The following RBFA variants were observed in gnomAD, a reference collection of about 807,000 sequenced individuals.
The protein encoded by RBFA is ribosome binding factor A.
Under a neutral mutation model 27.9 loss-of-function variants are expected in RBFA, and 16 were observed. That is an observed-to-expected ratio of 0.57 (90% CI 0.39 to 0.87). The LOEUF is 0.87. RBFA is among the 40% of genes least tolerant of loss of function. The probability of loss-of-function intolerance (pLI) is 0.00; values close to 1 mark genes in which losing one functional copy is unlikely to be tolerated. For missense variants in RBFA, 456 were observed against 432.1 expected (o/e 1.06, Z -0.49); for synonymous variants, 181 against 181.0 (o/e 1.00, Z 0.00).
At position 80,048,470 on chromosome 18, in the gene RBFA, T is replaced by C. The variant is rs2052071533; in HGVS notation, c.*2315T>C. ...TTTTATTGTTCTAGCAATTTATTGT[T>C]ACAAAACAGATTGCTGCCATCAATT... On this transcript the variant is annotated 3_prime_UTR_variant, in exon 7 of 7. Transcript: ENST00000306735. Among the ~76,000 whole-genome samples the C allele has an allele frequency of 6.6e-6, 1 of 152,206 alleles. No homozygotes were observed. The highest frequency in any genetic ancestry group is 2.1e-4 in the South Asian group (1 of 4,830).
intron 3 of RBFA, 130 bp downstream of exon 3, chr18:80,037,636 T>C (rs2051989515): frequency 4.4e-6 from 3 of 688,900 alleles, no homozygotes; most frequent in Non-Finnish European, 6.8e-6. Context: ...ACGCCTGTAA[T>C]CCTAGCACTT....
In RBFA at chr18:80,037,452, G is replaced by A; in HGVS notation, c.324G>A (p.Leu108=). 1 of 1,614,158 alleles carries A rather than the reference G, an allele frequency of 6.2e-7. No homozygotes were observed. Among genetic ancestry groups the A allele is most frequent in the Non-Finnish European group, 8.5e-7 (1 of 1,180,002 alleles). Residue 108 remains leucine, a synonymous_variant, in exon 3 of 7, where the codon CTG becomes CTA. Coordinates refer to ENST00000306735, the MANE Select transcript of RBFA (RefSeq NM_024805.3). ...GLLYKALTDL[L]CTPEVSQELY... is the part of the protein sequence containing the mutation. The stretch of plus-strand genomic sequence containing the variant: ...TCTATAAGGCACTGACAGACCTGCT[G>A]TGTACCCCTGAAGTGAGTCAGGAGC...
Position 80,046,056 on chromosome 18 carries a change from G to A in RBFA, c.933G>A (p.Pro311=), listed in dbSNP as rs556421135. 48 of 1,614,118 alleles carry A rather than the reference G, an allele frequency of 3.0e-5. No individual in the cohort carries two copies. The East Asian group carries it at 3.3e-4, about 11-fold the overall frequency. Residue 311 remains proline (P), a synonymous_variant, in exon 7 of 7, where the codon CCG becomes CCA. Coordinates refer to ENST00000306735, the MANE Select transcript of RBFA (RefSeq NM_024805.3). The part of the protein sequence containing the change: ...VEDDLDLVGA[P]EYECYAPDTE... Reference sequence around the variant, plus strand: ...ATGACCTGGACCTGGTTGGTGCCCCGGAGTACGAATGCTATGCCCCGGACA... The same window carrying A: ...ATGACCTGGACCTGGTTGGTGCCCCAGAGTACGAATGCTATGCCCCGGACA...
intron 1 of RBFA, chr18:80,035,791 C>G (rs1246577371): frequency 6.6e-6 from 1 of 152,246 alleles, no homozygotes; most frequent in Non-Finnish European, 1.5e-5. Context: ...ACCAAGAACT[C>G]ATGGGTTATA....
intron 6 of RBFA, among the ~76,000 whole-genome samples, chr18:80,044,562 A>T (rs58736561): frequency 6.6e-6 from 1 of 152,036 alleles, no homozygotes; most frequent in African/African-American, 2.4e-5. Flanking sequence ...CACATTGTTT[A>T]TTGAGTGCCC....
At chr18:80,044,067 G>A in intron 5 of RBFA, 145 bp from the exon 6 acceptor site, 1 of 736,202 alleles carries the variant, frequency 1.4e-6, no homozygotes, top group Non-Finnish European at 2.5e-6. Flanking sequence ...ACAGGTCCTA[G>A]TATTTGGGAA....
chr18:80,042,102 C>G (rs954513851), intron 4 of RBFA, 33 bp from the exon 5 acceptor site: 2 of 1,520,504 alleles, frequency 1.3e-6, no homozygotes, highest in Non-Finnish European at 1.8e-6. Context: ...TGTCACGGCA[C>G]AGCTGTGAGG....
intron 4 of RBFA, among the ~76,000 whole-genome samples, chr18:80,040,239 A>ATTTTTTTTTTTTTATTTTTTTTT (rs2052007524): frequency 1.1e-5 from 1 of 91,440 alleles, no homozygotes; most frequent in Non-Finnish European, 2.0e-5. Context: ...GGAGGCCTGA[A>ATTTTTTTTTTTTTATTTTTTTTT]TTTTTTTTTT....
Position 80,034,523 on chromosome 18 carries a change from C to G in RBFA, c.28C>G (p.Arg10Gly), listed in dbSNP as rs752729658. 1 of 1,585,790 alleles carries G rather than the reference C, an allele frequency of 6.3e-7. No individual in the cohort carries two copies. The highest frequency in any genetic ancestry group is 8.5e-7 in the Non-Finnish European group (1 of 1,171,470). ...GTGGGCTGCGGCGGGCGGGCTGTGG[C>G]GCTCCCGCGCGGGTCTCCGGGCCCT... Reference protein sequence around the residue: MWAAAGGLWRSRAGLRALFR... With the variant: MWAAAGGLWGSRAGLRALFR... Residue 10 changes from arginine (R) to glycine (G), a missense_variant, in exon 1 of 7, where the codon CGC (arginine) becomes GGC (glycine). Arg to Gly is a moderately radical substitution (Grantham distance 125, BLOSUM62 -2). Coordinates refer to ENST00000306735, the MANE Select transcript of RBFA (RefSeq NM_024805.3).
At chr18:80,044,777 T>C (rs1234763964) in intron 6 of RBFA, among the ~76,000 whole-genome samples, 1 of 152,214 alleles carries the variant, frequency 6.6e-6, no homozygotes, top group Non-Finnish European at 1.5e-5. Context: ...TTTCCAAACA[T>C]GTAGTGCCTG....
At chr18:80,045,749 T>G (rs769051248) in intron 6 of RBFA, 25 bp from the exon 7 acceptor site, 4 of 1,508,334 alleles carry the variant, frequency 2.7e-6, no homozygotes, top group Non-Finnish European at 2.7e-6. Context: ...TTGTGCTTGG[T>G]GTGAAGCCTC....
intron 3 of RBFA, among the ~76,000 whole-genome samples, chr18:80,037,888 C>CAAAA (rs56784827): frequency 6.9e-6 from 1 of 145,598 alleles, no homozygotes; most frequent in Admixed American, 6.7e-5. Flanking sequence ...GACTCCATCT[C>CAAAA]AAAAAAAAAA....
chr18:80,043,995 T>A (rs998290026), intron 5 of RBFA, among the ~76,000 whole-genome samples: 5 of 152,274 alleles, frequency 3.3e-5, no homozygotes, highest in African/African-American at 9.6e-5. Flanking sequence ...CCTCACTTCG[T>A]TATCAGAGAA....
At position 80,042,605 on chromosome 18, in the gene RBFA, C is replaced by T. The variant is rs545756731; in HGVS notation, c.576+386C>T. ...CCAATACGGTGAAACCCTGTCTCTA[C>T]TAAAAATACAAAAAAATTAGCTAGG... is the stretch of plus-strand genomic sequence containing the variant. On this transcript the variant is annotated intron_variant, in intron 5 of 6. Coordinates refer to ENST00000306735, the MANE Select transcript of RBFA (RefSeq NM_024805.3). Among the ~76,000 whole-genome samples the T allele has an allele frequency of 2.2e-4, 33 of 152,070 alleles. 1 individual carries two copies. The highest frequency in any genetic ancestry group is 8.0e-4 in the African/African-American group (33 of 41,498).
chr18:80,044,720 G>T (rs554350279), intron 6 of RBFA, among the ~76,000 whole-genome samples: 4 of 152,330 alleles, frequency 2.6e-5, no homozygotes, highest in African/African-American at 9.6e-5. Flanking sequence ...AGAGCAGGTC[G>T]GGGGCGTGGA....
chr18:80,040,767 G>C (rs1225634748), intron 4 of RBFA, among the ~76,000 whole-genome samples: 1 of 152,104 alleles, frequency 6.6e-6, no homozygotes, highest in African/African-American at 2.4e-5. Flanking sequence ...GTAGCTTTTA[G>C]AGTTCTCAGT....
chr18:80,047,748 T>C lies in RBFA; in HGVS notation c.*1593T>C, dbSNP rs919680800. The stretch of plus-strand genomic sequence containing the variant: ...TAGGTTACAAAGTGTACACCACACA[T>C]AAAGGCTGATGCCTCTGTTACACCG... On this transcript the variant is annotated 3_prime_UTR_variant, in exon 7 of 7. Transcript: ENST00000306735. Among the ~76,000 whole-genome samples the C allele has an allele frequency of 5.3e-5, 8 of 152,164 alleles. No individual in the cohort carries two copies. The highest frequency in any genetic ancestry group is 7.4e-5 in the Non-Finnish European group (5 of 68,016).
At chr18:80,034,748 T>G (rs1348649434) in intron 1 of RBFA, 95 bp downstream of exon 1, 3 of 1,526,102 alleles carry the variant, frequency 2.0e-6, no homozygotes, top group Non-Finnish European at 2.7e-6. Context: ...CTTGCGCCCA[T>G]GCGGCCTAGC....
intron 2 of RBFA, among the ~76,000 whole-genome samples, chr18:80,037,021 G>A (rs968749133): frequency 1.4e-4 from 21 of 152,184 alleles, no homozygotes; most frequent in Admixed American, 9.8e-4. Flanking sequence ...AATACATCAC[G>A]TTTCCAAAAA....
Sources: allele counts gnomAD v4.1 joint callset (sites outside exome capture counted in the v4.1 genomes callset), GRCh38; gene constraint gnomAD v4.1.1; transcripts MANE v1.5; gene names NCBI Gene and HGNC (gene_info 2026-07-23, HGNC 2026-07-21).